CLUL1: variants seen among roughly 807,000 people sequenced by gnomAD.
CLUL1 encodes clusterin like 1, also known as clusterin-like protein 1.
Under a neutral mutation model 49.4 loss-of-function variants are expected in CLUL1, and 43 were observed. The observed-to-expected ratio is 0.87, with a 90% CI of 0.68 to 1.12. CLUL1 has a LOEUF of 1.12. Ranked by LOEUF, CLUL1 falls within the 50% of genes most tolerant of loss-of-function variation. The probability of loss-of-function intolerance (pLI) is 0.00; values close to 1 mark genes in which losing one functional copy is unlikely to be tolerated. For missense variants in CLUL1, 486 were observed against 544.4 expected, an observed-to-expected ratio of 0.89 and a Z score of 1.07; for synonymous variants, 192 against 184.9, an observed-to-expected ratio of 1.04 and a Z score of -0.31.
At position 641,411 on chromosome 18, in the gene CLUL1, T is replaced by C. The variant is rs373016031; in HGVS notation, c.1079T>C (p.Ile360Thr). 1 of 1,614,074 alleles carries C rather than the reference T, an allele frequency of 6.2e-7. No homozygotes were observed. Residue 360 changes from isoleucine (I) to threonine (T), a missense_variant, in exon 8 of 10, where the codon ATT becomes ACT. Coordinates refer to ENST00000692774, the MANE Select transcript of CLUL1 (RefSeq NM_001393344.1). The stretch of plus-strand genomic sequence containing the variant: ...GTATCCAATCAGCAGTATGGCCAGA[T>C]TCTCCAGATGACCCGGAAGCACTTG... The part of the protein sequence containing the change: ...VNVSNQQYGQ[I>T]LQMTRKHLED...
intron 7 of CLUL1, among the ~76,000 whole-genome samples, chr18:641,088 G>A (rs761976088): frequency 7.2e-5 from 11 of 152,112 alleles, no homozygotes; most frequent in Non-Finnish European, 1.3e-4. Flanking sequence ...TATAACAAAA[G>A]TTCTGTCTCC....
intron 7 of CLUL1, among the ~76,000 whole-genome samples, chr18:637,986 T>A (rs907863507): frequency 3.3e-5 from 5 of 151,582 alleles, no homozygotes; most frequent in African/African-American, 1.2e-4. Flanking sequence ...ATAATAATAA[T>A]AAACAGATAA....
chr18:606,092 A>G lies in CLUL1; in HGVS notation c.-135-886A>G, dbSNP rs1054553990. ...AAGAATATTTAAGAATATACCAAATAAGAATATGCAAGTCCTCCCCTAAGG... is the reference window on the plus strand; with the variant it reads ...AAGAATATTTAAGAATATACCAAATGAGAATATGCAAGTCCTCCCCTAAGG... On this transcript the variant is annotated intron_variant, in intron 1 of 9. Transcript: ENST00000692774. The surrounding 1 kb of genome is among the most constrained non-coding windows in gnomAD (Gnocchi z 4.1). 1.3e-5 allele frequency among the ~76,000 whole-genome samples: 2 copies of G among 152,152 alleles called. No homozygotes were observed. The highest frequency in any genetic ancestry group is 4.8e-5 in the African/African-American group (2 of 41,436).
chr18:643,054 T>A (rs1359081897), intron 8 of CLUL1, among the ~76,000 whole-genome samples: 1 of 152,200 alleles, frequency 6.6e-6, no homozygotes, highest in Non-Finnish European at 1.5e-5. Context: ...ACTACAAAGC[T>A]GTGGATCATG....
intron 7 of CLUL1, among the ~76,000 whole-genome samples, chr18:640,342 C>T (rs1352831541): frequency 4.6e-5 from 7 of 151,174 alleles, no homozygotes; most frequent in Non-Finnish European, 8.8e-5. Context: ...CCCAGGAGTT[C>T]GAGGCTGTAG....
chr18:639,430 C>CAAAAA (rs11357641), intron 7 of CLUL1, among the ~76,000 whole-genome samples: 3 of 71,946 alleles, frequency 4.2e-5, no homozygotes, highest in Non-Finnish European at 4.8e-5. Flanking sequence ...GACTCCATCT[C>CAAAAA]AAAAAAAAAA....
At chr18:629,291 C>T (rs551047945) in intron 6 of CLUL1, among the ~76,000 whole-genome samples, 3 of 152,268 alleles carry the variant, frequency 2.0e-5, no homozygotes, top group African/African-American at 7.2e-5. Context: ...CTAAATCTAT[C>T]CAGGCTGGGT....
chr18:628,015 G>A (rs1447268280), intron 6 of CLUL1, among the ~76,000 whole-genome samples: 2 of 152,098 alleles, frequency 1.3e-5, no homozygotes, highest in East Asian at 1.9e-4. Context: ...TAGTAGAGAC[G>A]GGGGTGTCAG....
chr18:628,820 C>T (rs979731272), intron 6 of CLUL1, among the ~76,000 whole-genome samples: 2 of 151,456 alleles, frequency 1.3e-5, no homozygotes, highest in East Asian at 1.9e-4. Flanking sequence ...TTAGTAGAGA[C>T]AGGGGTTTCA....
intron 2 of CLUL1, among the ~76,000 whole-genome samples, chr18:611,788 C>T (rs1005194725): frequency 5.3e-5 from 8 of 152,148 alleles, no homozygotes; most frequent in Non-Finnish European, 2.9e-5. Flanking sequence ...ATTTGGTCAT[C>T]ATTGGCTTCT....
At chr18:617,572 G>C (rs113193821) in intron 2 of CLUL1, among the ~76,000 whole-genome samples, 1 of 119,880 alleles carries the variant, frequency 8.3e-6, no homozygotes, top group African/African-American at 3.1e-5. Context: ...TCCAGCCTGG[G>C]CAACAAGAGC....
intron 2 of CLUL1, among the ~76,000 whole-genome samples, chr18:608,330 G>C (rs1262611269): frequency 1.3e-5 from 2 of 152,126 alleles, no homozygotes; most frequent in African/African-American, 4.8e-5. Context: ...GAATAATTAT[G>C]TTTTATTCCA....
rs999865743 is a variant in CLUL1 at position 606,957 on chromosome 18, T to TTTTTC, written c.-135-7_-135-3dup. On this transcript the variant is annotated intron_variant, in intron 1 of 9. Transcript: ENST00000692774. This position sits in a 1 kb window ranked among gnomAD's most constrained non-coding sequence, Gnocchi z 4.1. Reference sequence around the variant, plus strand: ...GGCGGCTCCCTAAAATTTCTTTTCTTTTTTCTTTTCTTTTCTTTAGAGTTG... The same window carrying TTTTTC: ...GGCGGCTCCCTAAAATTTCTTTTCTTTTTTCTTTTCTTTTCTTTTCTTTAGAGTTG... 1 of 612,908 alleles carries TTTTTC rather than the reference T, an allele frequency of 1.6e-6. No homozygotes were observed. Among genetic ancestry groups the TTTTTC allele is most frequent in the Non-Finnish European group, 2.9e-6 (1 of 344,608 alleles). The allele number at this position is 612,908 out of a possible 1,614,324, so 38.0% of individuals were successfully genotyped here. A position where few individuals can be genotyped will look rare whatever the true frequency, so the allele number is the denominator to read the frequency against.
chr18:645,655 G>A (rs12458057), intron 9 of CLUL1, among the ~76,000 whole-genome samples: 80,255 of 148,428 alleles, frequency 0.54, 22,321 homozygotes, highest in African/African-American at 0.66. Flanking sequence ...TTAGCCGGGC[G>A]TGGTGGCGGG....
chr18:607,512 C>T (rs1567955472), intron 2 of CLUL1, among the ~76,000 whole-genome samples: 1 of 152,158 alleles, frequency 6.6e-6, no homozygotes, highest in African/African-American at 2.4e-5. Flanking sequence ...CGATTCAGTG[C>T]GGCCCTGATC....
chr18:649,730 G>A, intron 9 of CLUL1, 168 bp from the exon 10 acceptor site: 1 of 547,190 alleles, frequency 1.8e-6, no homozygotes, highest in Non-Finnish European at 3.3e-6. Context: ...GAATATCCAT[G>A]CATATGGGTT....
intron 6 of CLUL1, among the ~76,000 whole-genome samples, chr18:631,520 G>A (rs781664489): frequency 1.3e-5 from 2 of 152,112 alleles, no homozygotes; most frequent in Non-Finnish European, 2.9e-5. Flanking sequence ...GGGTTCTGAG[G>A]TTCTGTCAAG....
chr18:626,048 G>A (rs1358396579), intron 5 of CLUL1, among the ~76,000 whole-genome samples: 1 of 152,154 alleles, frequency 6.6e-6, no homozygotes, highest in Non-Finnish European at 1.5e-5. Flanking sequence ...GTTTGTTTTT[G>A]TGGATGAAGA....
In CLUL1 at chr18:641,550, GA is replaced by G. The variant is rs775693021; in HGVS notation, c.1209+10del. 7 of 1,609,552 alleles carry G rather than the reference GA, an allele frequency of 4.3e-6. No homozygotes were observed. In the Admixed American group the frequency reaches 1.0e-4, roughly 23 times the overall value. On this transcript the variant is annotated intron_variant, in intron 8 of 9. Coordinates refer to ENST00000692774, the MANE Select transcript of CLUL1 (RefSeq NM_001393344.1). ...TCTTTAATTCAATACAGGTAAAGGA[GA>G]GACCCAAGAGCAGATACGGAAATGA... is the stretch of plus-strand genomic sequence containing the variant.
Sources: allele counts gnomAD v4.1 joint callset (sites outside exome capture counted in the v4.1 genomes callset), GRCh38; gene constraint gnomAD v4.1.1; non-coding constraint Gnocchi (gnomAD v3.1); transcripts MANE v1.5; gene names NCBI Gene and HGNC (gene_info 2026-07-23, HGNC 2026-07-21).